LPAR1: variants seen among roughly 807,000 people sequenced by gnomAD.
The protein encoded by LPAR1 is lysophosphatidic acid receptor 1, also known as LPA receptor 1.
LPAR1 carries 5 observed loss-of-function variants against 23.8 expected under a neutral mutation model. The ratio of observed to expected loss-of-function variants is 0.21; its 90% confidence interval spans 0.11 to 0.44. LPAR1 has a LOEUF of 0.44. Ranked by LOEUF, LPAR1 falls within the 20% of genes least tolerant of loss-of-function variation. The pLI is 0.99. For missense variants in LPAR1, 311 were observed against 482.8 expected, an observed-to-expected ratio of 0.64 and a Z score of 3.33; for synonymous variants, 160 against 164.7, an observed-to-expected ratio of 0.97 and a Z score of 0.22.
At chr9:110,948,989 G>A (rs527771165) in intron 4 of LPAR1, among the ~76,000 whole-genome samples, 5 of 151,926 alleles carry the variant, frequency 3.3e-5, no homozygotes, top group South Asian at 2.1e-4. Flanking sequence ...CTCCAGATTG[G>A]AAAATAAATA....
chr9:111,025,596 G>A (rs148446196), intron 2 of LPAR1, among the ~76,000 whole-genome samples: 2,991 of 152,246 alleles, frequency 0.02, 91 homozygotes, highest in African/African-American at 0.068. Context: ...ATCACTTTTG[G>A]TGTTTTAGTC....
rs1421931111 is a variant in LPAR1, at chr9:110,876,934, G to T, written c.794-1212C>A. On this transcript the variant is annotated intron_variant, in intron 5 of 5. Coordinates refer to ENST00000683809, the MANE Select transcript of LPAR1 (RefSeq NM_001351411.2). ...CTCTGCTGGGGATCTTCTACTGAAA[G>T]AACATGAGCCAACAGCGGTGGGCAC... 3.3e-5 allele frequency among the ~76,000 whole-genome samples: 5 copies of T among 152,304 alleles called. No individual in the cohort carries two copies. In the East Asian group the frequency reaches 7.7e-4, roughly 23 times the overall value.
At chr9:110,988,984 A>C (rs534054463) in intron 2 of LPAR1, among the ~76,000 whole-genome samples, 53 of 152,326 alleles carry the variant, frequency 3.5e-4, no homozygotes, top group African/African-American at 1.2e-3. Flanking sequence ...TACATACTAC[A>C]ACATGCAGTA....
chr9:110,964,984 T>A (rs1307845091), intron 4 of LPAR1, among the ~76,000 whole-genome samples: 3 of 150,942 alleles, frequency 2.0e-5, no homozygotes, highest in Non-Finnish European at 4.4e-5. Flanking sequence ...AATTCTCCTG[T>A]CTCAGCCTCC....
intron 5 of LPAR1, among the ~76,000 whole-genome samples, chr9:110,891,042 A>T (rs555264023): frequency 6.6e-6 from 1 of 152,356 alleles, no homozygotes; most frequent in South Asian, 2.1e-4. Context: ...AAGGATATCC[A>T]TTTGTACTGA....
chr9:110,961,387 G>A (rs1406056783), intron 4 of LPAR1, among the ~76,000 whole-genome samples: 6 of 151,766 alleles, frequency 4.0e-5, no homozygotes, highest in Non-Finnish European at 7.4e-5. Flanking sequence ...TTGGGAGGCC[G>A]AGACGGGTGG....
intron 5 of LPAR1, among the ~76,000 whole-genome samples, chr9:110,892,810 A>C (rs865842524): frequency 2.1e-4 from 22 of 104,996 alleles, no homozygotes; most frequent in African/African-American, 5.4e-4. Flanking sequence ...GGAAGGAAGG[A>C]AGGAAGGAAG....
At chr9:110,890,126 G>A (rs2083641268) in intron 5 of LPAR1, among the ~76,000 whole-genome samples, 1 of 152,080 alleles carries the variant, frequency 6.6e-6, no homozygotes, top group African/African-American at 2.4e-5. Context: ...AACCATAGAT[G>A]ATGAAGTTCA....
chr9:111,030,017 G>A (rs2097768190), intron 2 of LPAR1, among the ~76,000 whole-genome samples: 1 of 130,096 alleles, frequency 7.7e-6, no homozygotes, highest in African/African-American at 3.0e-5. Flanking sequence ...TTGCACTCCA[G>A]CCTGGGCAAT....
At chr9:111,026,182 T>C (rs958674128) in intron 2 of LPAR1, among the ~76,000 whole-genome samples, 1 of 152,202 alleles carries the variant, frequency 6.6e-6, no homozygotes, top group Non-Finnish European at 1.5e-5. Context: ...TTCCATTCAT[T>C]TGTGTCGTCT....
At chr9:110,930,494 G>A (rs1035368071) in intron 5 of LPAR1, among the ~76,000 whole-genome samples, 3 of 151,698 alleles carry the variant, frequency 2.0e-5, no homozygotes, top group Admixed American at 6.6e-5. Flanking sequence ...TAGACAACAA[G>A]AGCAAAACTC....
chr9:110,903,881 G>GAAA (rs2090233036), intron 5 of LPAR1, among the ~76,000 whole-genome samples: 1 of 53,478 alleles, frequency 1.9e-5, no homozygotes, highest in African/African-American at 9.2e-5. Flanking sequence ...TAAGTGAATT[G>GAAA]CAAAAAAAAA....
intron 2 of LPAR1, among the ~76,000 whole-genome samples, chr9:110,996,443 T>G (rs1437812301): frequency 6.6e-6 from 1 of 152,062 alleles, no homozygotes; most frequent in Non-Finnish European, 1.5e-5. Context: ...AAAGGAATTC[T>G]GATACAAAAG....
At chr9:111,034,400 A>G (rs1022895699) in intron 2 of LPAR1, among the ~76,000 whole-genome samples, 3 of 151,598 alleles carry the variant, frequency 2.0e-5, no homozygotes, top group Non-Finnish European at 4.4e-5. Flanking sequence ...TAAACAAAAA[A>G]GAGAGGGGAA....
intron 5 of LPAR1, among the ~76,000 whole-genome samples, chr9:110,887,096 C>A (rs2082613506): frequency 6.6e-6 from 1 of 152,058 alleles, no homozygotes; most frequent in Non-Finnish European, 1.5e-5. Context: ...TAAACAAGTA[C>A]TGAAATCTGG....
chr9:110,998,341 TA>T (rs1230269954), intron 2 of LPAR1, among the ~76,000 whole-genome samples: 2 of 152,210 alleles, frequency 1.3e-5, no homozygotes, highest in South Asian at 2.1e-4. Context: ...TTTTATTAAA[TA>T]AATAAATAAA....
At chr9:110,985,222 G>A (rs2096755480) in intron 2 of LPAR1, among the ~76,000 whole-genome samples, 1 of 151,982 alleles carries the variant, frequency 6.6e-6, no homozygotes, top group Non-Finnish European at 1.5e-5. Context: ...GCCACCTGTG[G>A]CTACAGGCTG....
At chr9:110,968,695 T>C (rs934248174) in intron 4 of LPAR1, among the ~76,000 whole-genome samples, 1 of 152,180 alleles carries the variant, frequency 6.6e-6, no homozygotes, top group Non-Finnish European at 1.5e-5. Flanking sequence ...CCACTATATC[T>C]GTAAACTCTG....
intron 5 of LPAR1, among the ~76,000 whole-genome samples, chr9:110,916,495 T>C (rs1481849773): frequency 6.6e-6 from 1 of 152,228 alleles, no homozygotes; most frequent in Non-Finnish European, 1.5e-5. Context: ...TAGGATACGA[T>C]TTACTTTTAT....
Sources: gnomAD v4.1 joint callset for allele counts (sites outside exome capture counted in the v4.1 genomes callset) on GRCh38, gnomAD v4.1.1 for gene constraint, MANE v1.5 for transcripts, NCBI Gene and HGNC (gene_info 2026-07-23, HGNC 2026-07-21) for gene names.